MAPKAP1: variants seen among roughly 807,000 people sequenced by gnomAD.
The protein encoded by MAPKAP1 is target of rapamycin complex 2 subunit MAPKAP1.
MAPKAP1 carries 20 observed loss-of-function variants against 65.7 expected under a neutral mutation model. That is an observed-to-expected ratio of 0.30 (90% CI 0.21 to 0.44). The LOEUF (loss-of-function observed/expected upper bound fraction) is 0.44. Among genes scored for constraint, MAPKAP1 ranks in the 20% least tolerant of loss-of-function variants. The pLI is 1.00. For missense variants in MAPKAP1, 423 were observed against 648.0 expected (o/e 0.65, Z 3.77); for synonymous variants, 222 against 244.3 (o/e 0.91, Z 0.85).
At chr9:125,573,435 G>A (rs1032919646) in intron 5 of MAPKAP1, among the ~76,000 whole-genome samples, 2 of 152,132 alleles carry the variant, frequency 1.3e-5, no homozygotes, top group Admixed American at 6.5e-5. Context: ...TCTAAAAAGG[G>A]GAGGCATTAA....
chr9:125,534,832 G>C (rs1029006139), intron 7 of MAPKAP1, among the ~76,000 whole-genome samples: 1 of 151,982 alleles, frequency 6.6e-6, no homozygotes, highest in Non-Finnish European at 1.5e-5. Context: ...TCAGATTTCA[G>C]CTTGGGATGG....
intron 7 of MAPKAP1, among the ~76,000 whole-genome samples, chr9:125,526,911 C>A (rs944865820): frequency 6.6e-6 from 1 of 151,330 alleles, no homozygotes; most frequent in Non-Finnish European, 1.5e-5. Context: ...GTAGCTGGGA[C>A]TACAGGCGTG....
At chr9:125,544,027 C>CT (rs35231965) in intron 6 of MAPKAP1, among the ~76,000 whole-genome samples, 44,517 of 150,358 alleles carry the variant, frequency 0.3, 7,650 homozygotes, top group Middle Eastern at 0.4. Context: ...CATACACACA[C>CT]TTTTTTTTTT....
At chr9:125,698,257 T>TAATATA (rs1835449374) in intron 1 of MAPKAP1, among the ~76,000 whole-genome samples, 3 of 117,412 alleles carry the variant, frequency 2.6e-5, no homozygotes, top group Admixed American at 9.3e-5. Flanking sequence ...AATATATAAT[T>TAATATA]TATAAATATA....
chr9:125,693,390 A>T (rs1032692200), intron 1 of MAPKAP1, among the ~76,000 whole-genome samples: 1 of 148,018 alleles, frequency 6.8e-6, no homozygotes. Flanking sequence ...CTCCAGCTCA[A>T]GTAACAAGAG....
At chr9:125,473,891 GA>G (rs1854013434) in intron 9 of MAPKAP1, among the ~76,000 whole-genome samples, 1 of 152,134 alleles carries the variant, frequency 6.6e-6, no homozygotes, top group Admixed American at 6.5e-5. Flanking sequence ...CGTGACTTGG[GA>G]AAAACTTCTA....
At chr9:125,534,139 CAG>C (rs1379425138) in intron 7 of MAPKAP1, among the ~76,000 whole-genome samples, 1 of 152,044 alleles carries the variant, frequency 6.6e-6, no homozygotes, top group Admixed American at 6.5e-5. Flanking sequence ...GGTACCTTGA[CAG>C]ATGTTGAATA....
intron 4 of MAPKAP1, among the ~76,000 whole-genome samples, chr9:125,643,536 C>T (rs757587998): frequency 5.3e-5 from 8 of 152,092 alleles, no homozygotes; most frequent in Non-Finnish European, 1.2e-4. Flanking sequence ...CCATATTATA[C>T]AAATCCTTCT....
chr9:125,536,852 C>T (rs189178651), intron 7 of MAPKAP1, among the ~76,000 whole-genome samples: 7 of 152,276 alleles, frequency 4.6e-5, no homozygotes, highest in Admixed American at 3.3e-4. Flanking sequence ...TATGGGTTTC[C>T]CTTTTCCACA....
At chr9:125,623,728 C>T (rs1230573209) in intron 4 of MAPKAP1, among the ~76,000 whole-genome samples, 4 of 45,426 alleles carry the variant, frequency 8.8e-5, no homozygotes, top group African/African-American at 1.5e-4. Context: ...GCCCCCCGCC[C>T]GGCCAGCCGC....
chr9:125,521,440 C>G (rs1465187405), intron 7 of MAPKAP1: 1 of 1,130,436 alleles, frequency 8.8e-7, no homozygotes, highest in Admixed American at 4.7e-5. Context: ...ATACAGTTAT[C>G]TGTTGCTCTG....
intron 9 of MAPKAP1, among the ~76,000 whole-genome samples, chr9:125,474,528 T>C (rs931582328): frequency 6.6e-6 from 1 of 152,178 alleles, no homozygotes; most frequent in Non-Finnish European, 1.5e-5. Flanking sequence ...TACTAGCCTA[T>C]GGTGAATCAA....
At chr9:125,510,376 A>C (rs1173531587) in intron 7 of MAPKAP1, among the ~76,000 whole-genome samples, 3 of 152,232 alleles carry the variant, frequency 2.0e-5, no homozygotes, top group Non-Finnish European at 4.4e-5. Context: ...ATTCAAAATG[A>C]AAATGATCTG....
In MAPKAP1 at chr9:125,703,117, T is replaced by G. The variant is rs540138886; in HGVS notation, c.-70+3854A>C. Reference sequence around the variant, plus strand: ...ATCCAAGGACACTGGGCCCACTTCCTCACATGGCAACAAGCAAGTGGAGCT... The same window carrying G: ...ATCCAAGGACACTGGGCCCACTTCCGCACATGGCAACAAGCAAGTGGAGCT... On this transcript the variant is annotated intron_variant, in intron 1 of 11. Transcript: ENST00000265960. Among the ~76,000 whole-genome samples, 5 of 152,280 alleles carry G rather than the reference T, an allele frequency of 3.3e-5. No homozygotes were observed. The South Asian group carries it at 1.0e-3, about 32-fold the overall frequency.
intron 4 of MAPKAP1, among the ~76,000 whole-genome samples, chr9:125,608,615 T>C (rs1172514362): frequency 6.6e-6 from 1 of 152,216 alleles, no homozygotes; most frequent in Non-Finnish European, 1.5e-5. Context: ...ATTCCTGCTC[T>C]CCAGACAGCA....
intron 1 of MAPKAP1, among the ~76,000 whole-genome samples, chr9:125,687,373 G>C (rs373551789): frequency 6.6e-6 from 1 of 152,142 alleles, no homozygotes; most frequent in East Asian, 1.9e-4. Flanking sequence ...CTGTTAAAGA[G>C]ACTAGCTATG....
chr9:125,689,436 GAAAAAAAAAAAAAA>G (rs911746619), intron 1 of MAPKAP1, among the ~76,000 whole-genome samples: 2 of 15,264 alleles, frequency 1.3e-4, no homozygotes, highest in Non-Finnish European at 2.8e-4. Context: ...CTCCATCTCG[GAAAAAAAAAAAAAA>G]AAAAAAAAAA....
chr9:125,571,271 T>A (rs1048560039), intron 5 of MAPKAP1, among the ~76,000 whole-genome samples: 3 of 152,220 alleles, frequency 2.0e-5, no homozygotes, highest in Admixed American at 2.0e-4. Context: ...AATTTCCTTA[T>A]CAATTGTGGC....
chr9:125,447,217 AC>A lies in MAPKAP1; in HGVS notation c.1346-2620del. ...GCCTATCCCCAGGGCTCATTCCAGC[AC>A]CCATCTGAGGAAGAGTGAAGCAGGT... is the stretch of plus-strand genomic sequence containing the variant. On this transcript the variant is annotated intron_variant, in intron 10 of 11. Coordinates refer to ENST00000265960, the MANE Select transcript of MAPKAP1 (RefSeq NM_001006617.3). This position sits in a 1 kb window ranked among gnomAD's most constrained non-coding sequence, Gnocchi z 4.5. 1 of 358,120 alleles carries A rather than the reference AC, an allele frequency of 2.8e-6. No individual in the cohort carries two copies. The highest frequency in any genetic ancestry group is 5.6e-6 in the Non-Finnish European group (1 of 177,468). The allele number at this position is 358,120 out of a possible 1,614,324, so 22.2% of individuals were successfully genotyped here. A position where few individuals can be genotyped will look rare whatever the true frequency, so the allele number is the denominator to read the frequency against.
Sources: gnomAD v4.1 joint callset for allele counts (sites outside exome capture counted in the v4.1 genomes callset) on GRCh38, gnomAD v4.1.1 for gene constraint, Gnocchi (gnomAD v3.1) non-coding constraint, MANE v1.5 for transcripts, NCBI Gene and HGNC (gene_info 2026-07-23, HGNC 2026-07-21) for gene names.